The following EIF4B variants were observed in gnomAD, a reference collection of about 807,000 sequenced individuals.
The protein encoded by EIF4B is eukaryotic translation initiation factor 4B.
Under a neutral mutation model 79.3 loss-of-function variants are expected in EIF4B, and 8 were observed. The ratio of observed to expected loss-of-function variants is 0.10; its 90% confidence interval spans 0.06 to 0.18. The LOEUF (loss-of-function observed/expected upper bound fraction) is 0.18, where lower values mean the gene tolerates loss of function less well. EIF4B is among the 10% of genes least tolerant of loss of function. The probability of loss-of-function intolerance (pLI) is 1.00; values close to 1 mark genes in which losing one functional copy is unlikely to be tolerated. For missense variants in EIF4B, 515 were observed against 792.4 expected (o/e 0.65, Z 4.20); for synonymous variants, 238 against 274.7 (o/e 0.87, Z 1.32).
At chr12:53,033,337 T>TC (rs1264062566) in intron 8 of EIF4B, among the ~76,000 whole-genome samples, 1 of 137,364 alleles carries the variant, frequency 7.3e-6, no homozygotes, top group Non-Finnish European at 1.6e-5. Flanking sequence ...CTATTTTCTT[T>TC]TTTTTTTTTC....
chr12:53,013,849 T>G (rs1943105454), intron 1 of EIF4B: 1 of 151,704 alleles, frequency 6.6e-6, no homozygotes, highest in African/African-American at 2.4e-5. Context: ...CCAACCTCTC[T>G]GTAACCGTAT....
intron 8 of EIF4B, among the ~76,000 whole-genome samples, chr12:53,030,410 A>ATTTTTTTTTTTTTTTTTTTTTTTTTTT (rs1555153412): frequency 5.8e-4 from 20 of 34,252 alleles, no homozygotes; most frequent in Middle Eastern, 0.019. Context: ...AAAAAATTAT[A>ATTTTTTTTTTTTTTTTTTTTTTTTTTT]TTCTTTTTTT....
rs1308378150 is a variant in EIF4B at position 53,034,177 on chromosome 12, G to A, written c.1208+143G>A. ...GGGCATTTAGTGGGCTGTGGCCAGG[G>A]GTGTTAGGCAGTATGCAGTGTTAGG... On this transcript the variant is annotated intron_variant, in intron 9 of 14. Transcript: ENST00000262056. 20 of 791,022 alleles carry A rather than the reference G, an allele frequency of 2.5e-5. No individual in the cohort carries two copies. In the Admixed American group the frequency reaches 5.2e-4, roughly 21 times the overall value. 49.0% of individuals were successfully genotyped at this position (791,022 alleles called of 1,614,324 possible).
At chr12:53,037,965 G>C (rs1438864878) in intron 11 of EIF4B, 2 of 315,380 alleles carry the variant, frequency 6.3e-6, no homozygotes, top group Non-Finnish European at 1.2e-5. Context: ...AAGCAAAATA[G>C]CAACACTATT....
At chr12:53,006,597 C>G in intron 1 of EIF4B, 101 bp downstream of exon 1, 2 of 1,598,438 alleles carry the variant, frequency 1.3e-6, no homozygotes, top group Non-Finnish European at 1.7e-6. Flanking sequence ...GGCACTGGTT[C>G]CTTTCTGAAT....
At chr12:53,010,255 C>T (rs1354219325) in intron 1 of EIF4B, among the ~76,000 whole-genome samples, 1 of 152,114 alleles carries the variant, frequency 6.6e-6, no homozygotes, top group African/African-American at 2.4e-5. Context: ...GTAACTGAAC[C>T]CGTACGGGGG....
chr12:53,034,488 GAT>G, intron 9 of EIF4B, 122 bp from the exon 10 acceptor site: 1 of 891,862 alleles, frequency 1.1e-6, no homozygotes, highest in East Asian at 2.4e-5. Flanking sequence ...TTGAGGGAAA[GAT>G]AAATTTATAT....
Position 53,034,084 on chromosome 12 carries a change from G to A in EIF4B, c.1208+50G>A, listed in dbSNP as rs1943495057. Reference sequence around the variant, plus strand: ...ATCTAGGAATCCGGTGGTTCGTAATGGGGGCATTACATCCCCAGGGGCATT... The same window carrying A: ...ATCTAGGAATCCGGTGGTTCGTAATAGGGGCATTACATCCCCAGGGGCATT... On this transcript the variant is annotated intron_variant, in intron 9 of 14. Transcript: ENST00000262056. 5 of 1,537,662 alleles carry A rather than the reference G, an allele frequency of 3.3e-6. No individual in the cohort carries two copies. The African/African-American group carries it at 5.5e-5, about 17-fold the overall frequency.
intron 1 of EIF4B, among the ~76,000 whole-genome samples, chr12:53,014,160 GT>G (rs1943111435): frequency 6.6e-6 from 1 of 151,682 alleles, no homozygotes; most frequent in Admixed American, 6.6e-5. Flanking sequence ...GGCCGGGCGC[GT>G]TGGCTCACGT....
At position 53,037,412 on chromosome 12, in the gene EIF4B, C is replaced by G; in HGVS notation, c.1310C>G (p.Ala437Gly). 1 of 1,611,374 alleles carries G rather than the reference C, an allele frequency of 6.2e-7. No individual in the cohort carries two copies. Among genetic ancestry groups the G allele is most frequent in the Non-Finnish European group, 8.5e-7 (1 of 1,179,396 alleles). The change falls in exon 11 of 15, where the codon GCA becomes GGA. Residue 437 changes from alanine to glycine, a missense_variant. This residue lies in a region of EIF4B where 146 missense variants were observed against 228.0 expected (regional missense o/e 0.64). Coordinates refer to ENST00000262056, the MANE Select transcript of EIF4B (RefSeq NM_001417.7). ...TGTSTTSSRNARRRESEKSLE... is the reference protein window; with the variant it reads ...TGTSTTSSRNGRRRESEKSLE... ...TATTTTCACTCTGGCTTCACAGATG[C>G]ACGAAGGAGAGAGAGTGAGAAGTCT... is the stretch of plus-strand genomic sequence containing the variant.
At chr12:53,022,006 C>G in intron 5 of EIF4B, 146 bp downstream of exon 5, 1 of 904,352 alleles carries the variant, frequency 1.1e-6, no homozygotes. Context: ...CCACAGGGGA[C>G]TTCTGGCAAT....
At chr12:53,008,489 A>G (rs1209474012) in intron 1 of EIF4B, 1 of 152,254 alleles carries the variant, frequency 6.6e-6, no homozygotes, top group African/African-American at 2.4e-5. Flanking sequence ...TGAAGTAACC[A>G]GTATTCCCTG....
intron 6 of EIF4B, among the ~76,000 whole-genome samples, chr12:53,027,126 A>AGG (rs1943347793): frequency 2.2e-4 from 5 of 22,732 alleles, no homozygotes; most frequent in Non-Finnish European, 4.3e-4. Context: ...TGTCTCTCAA[A>AGG]AAAAAAAAAA....
chr12:53,009,508 A>G (rs951867091), intron 1 of EIF4B, among the ~76,000 whole-genome samples: 34 of 149,194 alleles, frequency 2.3e-4, no homozygotes, highest in African/African-American at 8.3e-4. Flanking sequence ...AAAAAAAAAC[A>G]AAAACAAACT....
chr12:53,034,070 C>CGGT (rs781336310), intron 9 of EIF4B, 36 bp downstream of exon 9: 1 of 1,568,288 alleles, frequency 6.4e-7, no homozygotes. Flanking sequence ...TCTAGGAATC[C>CGGT]GGTGGTTCGT....
intron 6 of EIF4B, among the ~76,000 whole-genome samples, chr12:53,022,999 CAAAAAG>C (rs966835270): frequency 2.6e-5 from 4 of 151,686 alleles, no homozygotes; most frequent in African/African-American, 7.2e-5. Flanking sequence ...CCCTGTCTAC[CAAAAAG>C]AAAAAGAAAA....
At position 53,042,169 on chromosome 12, in the gene EIF4B, GTTTT is replaced by G. The variant is rs1031412296; in HGVS notation, c.*1949_*1952del. 3.9e-5 allele frequency: 6 copies of G among 152,562 alleles called. No homozygotes were observed. The highest frequency in any genetic ancestry group is 2.1e-4 in the South Asian group (1 of 4,828). 9.5% of individuals were successfully genotyped at this position (152,562 alleles called of 1,614,324 possible). A position where few individuals can be genotyped will look rare whatever the true frequency, so the allele number is the denominator to read the frequency against. On this transcript the variant is annotated 3_prime_UTR_variant, in exon 15 of 15. Transcript: ENST00000262056. ...TAAAATCCCATCCTTTGGGTTGTGG[GTTTT>G]TTGTTTTCTCCAAATAAATCTGATC...
chr12:53,028,339 G>A, intron 8 of EIF4B, 151 bp downstream of exon 8: 1 of 1,098,380 alleles, frequency 9.1e-7, no homozygotes. Flanking sequence ...AGCATTGGCT[G>A]GCCAGGTGTG....
At chr12:53,036,923 C>T (rs1197486337) in intron 10 of EIF4B, among the ~76,000 whole-genome samples, 9 of 152,156 alleles carry the variant, frequency 5.9e-5, no homozygotes, top group Non-Finnish European at 1.2e-4. Context: ...TAGGCTCAAA[C>T]GATCCGCCCC....
Sources: allele counts gnomAD v4.1 joint callset (sites outside exome capture counted in the v4.1 genomes callset), GRCh38; gene constraint gnomAD v4.1.1; regional missense constraint gnomAD v4.1.1; transcripts MANE v1.5; gene names NCBI Gene and HGNC (gene_info 2026-07-23, HGNC 2026-07-21).